Variants in METTL4 observed in about 807,000 individuals in gnomAD.
METTL4 encodes the protein methyltransferase 4, N6-adenosine, also known as N(6)-adenine-specific methyltransferase METTL4.
In METTL4, 40 loss-of-function variants were observed where a neutral mutation model predicts 54.0. The ratio of observed to expected loss-of-function variants is 0.74; its 90% CI spans 0.58 to 0.96. The LOEUF is 0.96. Ranked by LOEUF, METTL4 falls within the 50% of genes least tolerant of loss-of-function variation. The pLI is 0.00. For missense variants in METTL4, 525 were observed against 549.0 expected, an observed-to-expected ratio of 0.96 and a Z score of 0.44; for synonymous variants, 169 against 183.8, an observed-to-expected ratio of 0.92 and a Z score of 0.65.
At position 2,571,416 on chromosome 18, in the gene METTL4, G is replaced by A. The variant is rs2072506561; in HGVS notation, c.-706C>T. On this transcript the variant is annotated 5_prime_UTR_variant, in exon 1 of 9. Coordinates refer to ENST00000574538, the MANE Select transcript of METTL4 (RefSeq NM_022840.5). ...GGGTCGTGCCAGTCTTCGTAGAGAC[G>A]GCCACACTGGCCCACAGACCCCAGT... The A allele has an allele frequency of 6.6e-6, 1 of 152,212 alleles. No homozygotes were observed. The highest frequency in any genetic ancestry group is 2.1e-4 in the South Asian group (1 of 4,834). The allele number at this position is 152,212 out of a possible 1,614,324, so 9.4% of individuals were successfully genotyped here.
Position 2,567,066 on chromosome 18 carries a change from C to A in METTL4, c.151G>T (p.Asp51Tyr), listed in dbSNP as rs1282016117. The A allele has an allele frequency of 1.2e-6, 2 of 1,614,058 alleles. No homozygotes were observed. The highest frequency in any genetic ancestry group is 1.7e-6 in the Non-Finnish European group (2 of 1,180,032). Residue 51 changes from aspartate (D) to tyrosine (Y), a missense_variant, in exon 2 of 9, where the codon GAT becomes TAT. Physicochemically the swap from Asp to Tyr is radical, Grantham distance 160. Transcript: ENST00000574538. ...TSVHFESLQMDSVSSSGVCAA... is the reference protein window; with the variant it reads ...TSVHFESLQMYSVSSSGVCAA... ...CAGACTCCAGAGGAGGACACAGAAT[C>A]CATTTGAAGAGACTCAAAGTGAACA...
intron 3 of METTL4, among the ~76,000 whole-genome samples, chr18:2,563,347 C>T (rs934925641): frequency 6.6e-6 from 1 of 152,102 alleles, no homozygotes; most frequent in Non-Finnish European, 1.5e-5. Context: ...AATCCTAGCA[C>T]TTTGGGAGGC....
intron 5 of METTL4, among the ~76,000 whole-genome samples, chr18:2,549,812 T>A (rs1259787825): frequency 1.0e-5 from 1 of 95,540 alleles, no homozygotes; most frequent in Non-Finnish European, 2.0e-5. Context: ...TGAAACCCCA[T>A]CTCTACTAAA....
intron 3 of METTL4, among the ~76,000 whole-genome samples, chr18:2,562,784 G>A (rs779254439): frequency 1.1e-4 from 16 of 152,230 alleles, no homozygotes; most frequent in Admixed American, 3.3e-4. Flanking sequence ...GGGATGGGGA[G>A]TTATTAAATA....
intron 1 of METTL4, among the ~76,000 whole-genome samples, chr18:2,569,318 G>A (rs1316730350): frequency 6.6e-6 from 1 of 152,188 alleles, no homozygotes; most frequent in African/African-American, 2.4e-5. Context: ...TATGTAAGTT[G>A]TGCTATAACA....
At chr18:2,561,281 A>G (rs1280573721) in intron 3 of METTL4, 3 of 152,220 alleles carry the variant, frequency 2.0e-5, no homozygotes, top group Admixed American at 2.0e-4. Flanking sequence ...GAAAGGTATA[A>G]GTAAAATTAC....
Position 2,539,045 on chromosome 18 carries a change from T to G in METTL4, c.1374A>C (p.Lys458Asn). 1 of 1,614,042 alleles carries G rather than the reference T, an allele frequency of 6.2e-7. No individual in the cohort carries two copies. The highest frequency in any genetic ancestry group is 2.2e-5 in the East Asian group (1 of 44,862). The change falls in exon 9 of 9, where the codon AAA becomes AAC. Residue 458 changes from lysine (K) to asparagine (N), a missense_variant. Transcript: ENST00000574538. Reference sequence around the variant, plus strand: ...CAATAAAATAATCCACATGCTGAAATTTGAGAACTTCATTGCCCCAACTAG... The same window carrying G: ...CAATAAAATAATCCACATGCTGAAAGTTGAGAACTTCATTGCCCCAACTAG... ...GWTSWGNEVLKFQHVDYFIAV... is the reference protein window; with the variant it reads ...GWTSWGNEVLNFQHVDYFIAV...
chr18:2,549,819 T>TAAAA lies in METTL4; in HGVS notation c.900-2294_900-2291dup, dbSNP rs397758263. On this transcript the variant is annotated intron_variant, in intron 5 of 8. Coordinates refer to ENST00000574538, the MANE Select transcript of METTL4 (RefSeq NM_022840.5). ...CAACATAGTGAAACCCCATCTCTAC[T>TAAAA]AAAAAAAAAAAAAAAAAAAAAAAAA... Among the ~76,000 whole-genome samples the TAAAA allele has an allele frequency of 4.7e-3, 370 of 79,018 alleles. 7 individuals are homozygous for TAAAA. The highest frequency in any genetic ancestry group is 0.015 in the African/African-American group (339 of 22,210). The allele number at this position is 79,018 out of a possible 152,430, so 51.8% of individuals were successfully genotyped here.
chr18:2,544,055 T>A (rs2072032946), intron 8 of METTL4, 140 bp downstream of exon 8: 1 of 544,336 alleles, frequency 1.8e-6, no homozygotes, highest in African/African-American at 1.9e-5. Context: ...TGCTATGAAT[T>A]CTGCTATAAA....
intron 8 of METTL4, chr18:2,540,036 C>T (rs2071971579): frequency 1.1e-5 from 11 of 977,008 alleles, no homozygotes; most frequent in African/African-American, 3.5e-5. Flanking sequence ...TCCTTCTTTA[C>T]CTAAAATTTC....
chr18:2,539,059 T>C lies in METTL4; in HGVS notation c.1360A>G (p.Asn454Asp). 6 of 1,614,006 alleles carry C rather than the reference T, an allele frequency of 3.7e-6. No homozygotes were observed. The highest frequency in any genetic ancestry group is 1.1e-5 in the South Asian group (1 of 91,074). Residue 454 changes from asparagine (N) to aspartate (D), a missense_variant, in exon 9 of 9, where the codon AAT becomes GAT. Coordinates refer to ENST00000574538, the MANE Select transcript of METTL4 (RefSeq NM_022840.5). Reference protein sequence around the residue: ...NLQPGWTSWGNEVLKFQHVDY... With the variant: ...NLQPGWTSWGDEVLKFQHVDY... ...ACATGCTGAAATTTGAGAACTTCATTGCCCCAACTAGTCCAACCTGGCTGT... is the reference window on the plus strand; with the variant it reads ...ACATGCTGAAATTTGAGAACTTCATCGCCCCAACTAGTCCAACCTGGCTGT...
chr18:2,550,729 CAAAG>C (rs922060446), intron 5 of METTL4, among the ~76,000 whole-genome samples: 3 of 152,082 alleles, frequency 2.0e-5, no homozygotes, highest in African/African-American at 7.2e-5. Flanking sequence ...TAAAATCAGT[CAAAG>C]AAAGAGAGTC....
intron 3 of METTL4, among the ~76,000 whole-genome samples, chr18:2,558,094 T>C (rs995401519): frequency 9.2e-5 from 14 of 152,230 alleles, no homozygotes; most frequent in Admixed American, 8.5e-4. Flanking sequence ...ACACTGCCTC[T>C]AACACTGCAT....
rs1018098711 is a variant in METTL4 at position 2,566,813 on chromosome 18, C to T, written c.396+8G>A. 1 of 1,533,088 alleles carries T rather than the reference C, an allele frequency of 6.5e-7. No homozygotes were observed. The highest frequency in any genetic ancestry group is 8.8e-7 in the Non-Finnish European group (1 of 1,139,082). 95.0% of individuals were successfully genotyped at this position (1,533,088 alleles called of 1,614,324 possible). A position where few individuals can be genotyped will look rare whatever the true frequency, so the allele number is the denominator to read the frequency against. The stretch of plus-strand genomic sequence containing the variant: ...GGAGAAAAATAAATATTTCTTAAAA[C>T]TTTCTACCTTCCCAATAATAGAAAT... On this transcript the variant is annotated splice_region_variant and intron_variant, in intron 2 of 8. Transcript: ENST00000574538.
At chr18:2,547,890 T>C (rs1308574688) in intron 5 of METTL4, among the ~76,000 whole-genome samples, 1 of 152,142 alleles carries the variant, frequency 6.6e-6, no homozygotes, top group East Asian at 1.9e-4. Flanking sequence ...TCACAGTGAG[T>C]CTTGAAACGA....
rs143866922 is a variant in METTL4, at chr18:2,539,076, C to A, written c.1343G>T (p.Gly448Val). 6.2e-7 allele frequency: 1 copy of A among 1,613,804 alleles called. No individual in the cohort carries two copies. Among genetic ancestry groups the A allele is most frequent in the African/African-American group, 1.3e-5 (1 of 74,894 alleles). The change falls in exon 9 of 9, where the codon GGT (glycine) becomes GTT (valine). Residue 448 changes from glycine to valine, a missense_variant. Transcript: ENST00000574538. ...LELFARNLQP[G>V]WTSWGNEVLK... is the part of the protein sequence containing the mutation. ...AACTTCATTGCCCCAACTAGTCCAA[C>A]CTGGCTGTAAATTTCGAGCAAACAA... is the stretch of plus-strand genomic sequence containing the variant.
At chr18:2,559,086 C>T (rs533517819) in intron 3 of METTL4, among the ~76,000 whole-genome samples, 21 of 152,184 alleles carry the variant, frequency 1.4e-4, no homozygotes, top group Non-Finnish European at 2.1e-4. Flanking sequence ...CACAGAATTA[C>T]GATAAAATCC....
At chr18:2,548,825 C>G (rs918550175) in intron 5 of METTL4, among the ~76,000 whole-genome samples, 2 of 152,216 alleles carry the variant, frequency 1.3e-5, no homozygotes, top group African/African-American at 4.8e-5. Context: ...TTCCCATCCT[C>G]CCTTTACCCT....
In METTL4 at chr18:2,567,396, TAATA is replaced by T. The variant is rs1374742396; in HGVS notation, c.-184_-181del. 29 of 446,574 alleles carry T rather than the reference TAATA, an allele frequency of 6.5e-5. No individual in the cohort carries two copies. The highest frequency in any genetic ancestry group is 5.7e-4 in the African/African-American group (28 of 49,472). The allele number at this position is 446,574 out of a possible 1,614,324, so 27.7% of individuals were successfully genotyped here. A position where few individuals can be genotyped will look rare whatever the true frequency, so the allele number is the denominator to read the frequency against. On this transcript the variant is annotated 5_prime_UTR_variant, in exon 2 of 9. Transcript: ENST00000574538. ...GAAGAGAATTTATCATTCATGATGT[TAATA>T]TATACAGAAATTCTAAGGAAAATTG...
Sources: gnomAD v4.1 joint callset for allele counts (sites outside exome capture counted in the v4.1 genomes callset) on GRCh38, gnomAD v4.1.1 for gene constraint, MANE v1.5 for transcripts, NCBI Gene and HGNC (gene_info 2026-07-23, HGNC 2026-07-21) for gene names.